Variants in INTS6 observed in about 807,000 individuals in gnomAD.
INTS6 encodes DEAD box protein.
In INTS6, 16 loss-of-function variants were observed where a neutral mutation model predicts 104.9. The observed-to-expected ratio is 0.15, with a 90% confidence interval of 0.10 to 0.23. The LOEUF is 0.23. Among genes scored for constraint, INTS6 ranks in the 10% least tolerant of loss-of-function variants. The pLI, the probability that INTS6 is intolerant of heterozygous loss-of-function variation, is 1.00. For synonymous variants in INTS6, 324 were observed against 358.7 expected (o/e 0.90, Z 1.09); for missense variants, 584 against 1,062.8 (o/e 0.55, Z 6.26).
intron 4 of INTS6, among the ~76,000 whole-genome samples, chr13:51,424,002 A>G (rs996886746): frequency 6.6e-6 from 1 of 152,112 alleles, no homozygotes; most frequent in African/African-American, 2.4e-5. Context: ...AGGCATGTGT[A>G]TTCTATAAGG....
At position 51,383,371 on chromosome 13, in the gene INTS6, A is replaced by G. The variant is rs754297322; in HGVS notation, c.1138T>C (p.Phe380Leu). Residue 380 changes from phenylalanine (F) to leucine (L), a missense_variant, in exon 9 of 18, where the codon TTT becomes CTT. Phe to Leu is a conservative substitution (Grantham distance 22). Coordinates refer to ENST00000311234, the MANE Select transcript of INTS6 (RefSeq NM_012141.3). ...ACTGGATAATTGTAAGGCATCACAA[A>G]TAAGTTGACACAGTTCAGTGCTGTA... Reference protein sequence around the residue: ...ASTALNCVNLFVMPYNYPVLL... With the variant: ...ASTALNCVNLLVMPYNYPVLL... 1.9e-6 allele frequency: 3 copies of G among 1,613,584 alleles called. No homozygotes were observed. Among genetic ancestry groups the G allele is most frequent in the South Asian group, 2.2e-5 (2 of 90,914 alleles).
At chr13:51,448,155 C>A (rs777840084) in intron 3 of INTS6, 1 of 152,180 alleles carries the variant, frequency 6.6e-6, no homozygotes, top group Non-Finnish European at 1.5e-5. Context: ...AGACCTCTCA[C>A]ATTTTATACA....
Position 51,452,690 on chromosome 13 carries a change from C to G in INTS6, c.-165G>C. The G allele has an allele frequency of 7.2e-7, 1 of 1,385,192 alleles. No individual in the cohort carries two copies. Among genetic ancestry groups the G allele is most frequent in the Non-Finnish European group, 9.4e-7 (1 of 1,069,004 alleles). The allele number at this position is 1,385,192 out of a possible 1,614,324, so 85.8% of individuals were successfully genotyped here. On this transcript the variant is annotated 5_prime_UTR_variant, in exon 1 of 18. Coordinates refer to ENST00000311234, the MANE Select transcript of INTS6 (RefSeq NM_012141.3). This position sits in a 1 kb window ranked among gnomAD's most constrained non-coding sequence, Gnocchi z 4.2. ...CTCCGGCTGCGGGGAGTTTCTCCCC[C>G]GATAGTTGAGAGGAAACTCCCCAGA... is the stretch of plus-strand genomic sequence containing the variant.
the INTS6 span, among the ~76,000 whole-genome samples, chr13:51,336,812 C>T: frequency 6.6e-6 from 1 of 152,186 alleles, no homozygotes; most frequent in African/African-American, 2.4e-5. Context: ...ATCTGCCAGC[C>T]CACTGTGCTC....
At chr13:51,389,594 C>A in intron 5 of INTS6, 150 bp from the exon 6 acceptor site, 1 of 660,690 alleles carries the variant, frequency 1.5e-6, no homozygotes, top group Non-Finnish European at 2.3e-6. Context: ...TGACTAATTT[C>A]ATTATCTTAT....
chr13:51,451,005 C>T lies in INTS6; in HGVS notation c.339+20G>A, dbSNP rs750883187. 1.4e-6 allele frequency: 2 copies of T among 1,473,498 alleles called. No homozygotes were observed. The highest frequency in any genetic ancestry group is 1.8e-6 in the Non-Finnish European group (2 of 1,109,316). 91.3% of individuals were successfully genotyped at this position (1,473,498 alleles called of 1,614,324 possible). ...CAAAATGAAAAATCAACTATTTTGC[C>T]ACCTTATTATTCAACCTACCTGCCC... is the stretch of plus-strand genomic sequence containing the variant. On this transcript the variant is annotated intron_variant, in intron 3 of 17. Coordinates refer to ENST00000311234, the MANE Select transcript of INTS6 (RefSeq NM_012141.3).
chr13:51,452,797 T>C lies in INTS6; in HGVS notation c.-272A>G. 1 of 1,191,786 alleles carries C rather than the reference T, an allele frequency of 8.4e-7. No homozygotes were observed. The highest frequency in any genetic ancestry group is 4.5e-5 in the Admixed American group (1 of 22,374). The allele number at this position is 1,191,786 out of a possible 1,614,324, so 73.8% of individuals were successfully genotyped here. On this transcript the variant is annotated 5_prime_UTR_variant, in exon 1 of 18. Transcript: ENST00000311234. This position sits in a 1 kb window ranked among gnomAD's most constrained non-coding sequence, Gnocchi z 4.2. ...GGGCGGGCGCCCAGCCGTCTGTCTG[T>C]CGGTTCGTCCCCCCCGCCTCGGGGG...
chr13:51,344,704 G>GCACA, the INTS6 span, among the ~76,000 whole-genome samples: 4 of 150,462 alleles, frequency 2.7e-5, no homozygotes, highest in East Asian at 5.9e-4. Flanking sequence ...ATACACATGG[G>GCACA]CACACACACA....
At chr13:51,447,362 A>G (rs944651682) in intron 3 of INTS6, 1 of 152,230 alleles carries the variant, frequency 6.6e-6, no homozygotes, top group Admixed American at 6.5e-5. Context: ...TATTAGAACT[A>G]TAACTGTATT....
intron 3 of INTS6, among the ~76,000 whole-genome samples, chr13:51,431,411 GA>G (rs1027844807): frequency 2.6e-5 from 4 of 152,122 alleles, no homozygotes; most frequent in Admixed American, 6.6e-5. Context: ...TTATGTCTGG[GA>G]TGAAGACTAA....
At chr13:51,445,160 A>ATAAG (rs1952884297) in intron 3 of INTS6, 1 of 152,196 alleles carries the variant, frequency 6.6e-6, no homozygotes, top group African/African-American at 2.4e-5. Context: ...CTTTTTTCAC[A>ATAAG]TAAGTATTCT....
At position 51,374,708 on chromosome 13, in the gene INTS6, A is replaced by G; in HGVS notation, c.1818T>C (p.Pro606=). Residue 606 remains proline, a synonymous_variant, in exon 14 of 18, where the codon CCT becomes CCC. Transcript: ENST00000311234. The part of the protein sequence containing the change: ...QVPSPLRELD[P]DQPRRLHTFG... ...ATGTATGCAACCTTCGTGGCTGATC[A>G]GGATCAAGTTCTCTTAGTGGAGAAG... is the stretch of plus-strand genomic sequence containing the variant. The G allele has an allele frequency of 5.0e-6, 8 of 1,613,432 alleles. No individual in the cohort carries two copies. Among genetic ancestry groups the G allele is most frequent in the Non-Finnish European group, 6.8e-6 (8 of 1,179,936 alleles).
chr13:51,347,201 C>G, the INTS6 span: 1 of 1,613,972 alleles, frequency 6.2e-7, no homozygotes, highest in Non-Finnish European at 8.5e-7. Flanking sequence ...CCTTCAGGTC[C>G]CCATGATGCA....
the INTS6 span, chr13:51,348,619 T>C: frequency 9.0e-6 from 4 of 442,356 alleles, no homozygotes; most frequent in Non-Finnish European, 1.5e-5. Flanking sequence ...CAGCACAGAC[T>C]GAAATGAACT....
chr13:51,357,073 T>C (rs1009476382), downstream of INTS6, among the ~76,000 whole-genome samples: 2 of 152,212 alleles, frequency 1.3e-5, no homozygotes, highest in Non-Finnish European at 2.9e-5. Context: ...TATGGCTGCT[T>C]TCCTGCTACA....
intron 4 of INTS6, among the ~76,000 whole-genome samples, chr13:51,429,879 T>G (rs1305850831): frequency 2.0e-5 from 3 of 150,824 alleles, no homozygotes; most frequent in Non-Finnish European, 4.4e-5. Flanking sequence ...TTAACACCTC[T>G]TCTTGGCTTT....
chr13:51,406,817 C>T (rs569089353), intron 4 of INTS6, among the ~76,000 whole-genome samples: 1 of 152,144 alleles, frequency 6.6e-6, no homozygotes, highest in African/African-American at 2.4e-5. Context: ...GGTCCACAGG[C>T]TGCATGTAGC....
intron 3 of INTS6, among the ~76,000 whole-genome samples, chr13:51,432,478 G>GTAT (rs1369303601): frequency 6.6e-6 from 1 of 150,760 alleles, no homozygotes; most frequent in African/African-American, 2.4e-5. Context: ...ACACCATCTT[G>GTAT]TATTGCTTGC....
At position 51,388,629 on chromosome 13, in the gene INTS6, G is replaced by A. The variant is rs560736138; in HGVS notation, c.739+690C>T. On this transcript the variant is annotated intron_variant, in intron 6 of 17. Transcript: ENST00000311234. Reference sequence around the variant, plus strand: ...GCTGGTCTCAAACTCCCAACCTCAGGTGATCCACCCACCTTGGCCTCCCAA... The same window carrying A: ...GCTGGTCTCAAACTCCCAACCTCAGATGATCCACCCACCTTGGCCTCCCAA... Among the ~76,000 whole-genome samples, 6 of 152,254 alleles carry A rather than the reference G, an allele frequency of 3.9e-5. No homozygotes were observed. The East Asian group carries it at 5.8e-4, about 15-fold the overall frequency.
Sources: gnomAD v4.1 joint callset for allele counts (sites outside exome capture counted in the v4.1 genomes callset) on GRCh38, gnomAD v4.1.1 for gene constraint, Gnocchi (gnomAD v3.1) non-coding constraint, MANE v1.5 for transcripts, NCBI Gene and HGNC (gene_info 2026-07-23, HGNC 2026-07-21) for gene names.